Variants in JAKMIP1 observed in about 807,000 individuals in gnomAD.
JAKMIP1 encodes the protein janus kinase and microtubule interacting protein 1.
JAKMIP1 carries 33 observed loss-of-function variants against 113.0 expected under a neutral mutation model. The observed-to-expected ratio is 0.29, with a 90% CI of 0.22 to 0.39. The LOEUF is 0.39. Ranked by LOEUF, JAKMIP1 falls within the 10% of genes least tolerant of loss-of-function variation. JAKMIP1 has a pLI of 1.00. For missense variants in JAKMIP1, 813 were observed against 1,080.5 expected (o/e 0.75, Z 3.47); for synonymous variants, 480 against 459.9 (o/e 1.04, Z -0.56).
At chr4:6,165,548 AC>A (rs1723520327) in intron 1 of JAKMIP1, among the ~76,000 whole-genome samples, 1 of 152,178 alleles carries the variant, frequency 6.6e-6, no homozygotes, top group South Asian at 2.1e-4. Flanking sequence ...GTGACTTGCC[AC>A]TTCAGCCTCC....
At chr4:6,079,365 T>C (rs892507830) in intron 7 of JAKMIP1, among the ~76,000 whole-genome samples, 9 of 151,800 alleles carry the variant, frequency 5.9e-5, no homozygotes, top group Admixed American at 2.6e-4. Flanking sequence ...GATGGATGGA[T>C]GGATGGATGG....
Position 6,051,669 on chromosome 4 carries a change from T to A in JAKMIP1, c.1807-990A>T, listed in dbSNP as rs1715678794. On this transcript the variant is annotated intron_variant, in intron 13 of 20. Transcript: ENST00000409021. The surrounding 1 kb of genome is among the most constrained non-coding windows in gnomAD (Gnocchi z 5.0). ...AGACTTACAGCAAAGCTCAATTAATTACTAAGGGAGGAAGAAGAGCAAGCC... is the reference window on the plus strand; with the variant it reads ...AGACTTACAGCAAAGCTCAATTAATAACTAAGGGAGGAAGAAGAGCAAGCC... Among the ~76,000 whole-genome samples, 1 of 152,216 alleles carries A rather than the reference T, an allele frequency of 6.6e-6. No homozygotes were observed. Among genetic ancestry groups the A allele is most frequent in the African/African-American group, 2.4e-5 (1 of 41,462 alleles).
At chr4:6,170,855 A>C (rs915573521) in intron 1 of JAKMIP1, among the ~76,000 whole-genome samples, 1 of 146,118 alleles carries the variant, frequency 6.8e-6, no homozygotes, top group African/African-American at 2.5e-5. Flanking sequence ...CATCCCCATC[A>C]CCATGACCAC....
rs1719417513 is a variant in JAKMIP1, at chr4:6,137,513, T to C, written c.-147-24516A>G. ...TAAGTAGGAACCCCCTTCAAGTCCT[T>C]TGCTCAGGGAAATCAGGAGCTGTGA... On this transcript the variant is annotated intron_variant, in intron 1 of 20. Transcript: ENST00000409021. This position sits in a 1 kb window ranked among gnomAD's most constrained non-coding sequence, Gnocchi z 4.5. Among the ~76,000 whole-genome samples, 1 of 152,190 alleles carries C rather than the reference T, an allele frequency of 6.6e-6. No homozygotes were observed. The highest frequency in any genetic ancestry group is 2.4e-5 in the African/African-American group (1 of 41,454).
At position 6,080,694 on chromosome 4, in the gene JAKMIP1, C is replaced by T. The variant is rs932476547; in HGVS notation, c.1102-382G>A. ...CTTTCTGCCATGATTGTGAGGCCTC[C>T]CCAGCCACGTGAAACTGTGAGTCCA... On this transcript the variant is annotated intron_variant, in intron 6 of 20. Transcript: ENST00000409021. This position sits in a 1 kb window ranked among gnomAD's most constrained non-coding sequence, Gnocchi z 6.0. 2.6e-5 allele frequency among the ~76,000 whole-genome samples: 4 copies of T among 152,060 alleles called. No homozygotes were observed. Among genetic ancestry groups the T allele is most frequent in the African/African-American group, 4.8e-5 (2 of 41,384 alleles).
rs1459938601 is a variant in JAKMIP1 at position 6,157,348 on chromosome 4, C to T, written c.-148+42905G>A. 6.6e-6 allele frequency among the ~76,000 whole-genome samples: 1 copy of T among 152,138 alleles called. No individual in the cohort carries two copies. Among genetic ancestry groups the T allele is most frequent in the Non-Finnish European group, 1.5e-5 (1 of 68,028 alleles). On this transcript the variant is annotated intron_variant, in intron 1 of 20. Transcript: ENST00000409021. This position sits in a 1 kb window ranked among gnomAD's most constrained non-coding sequence, Gnocchi z 4.7. Reference sequence around the variant, plus strand: ...AAAGGCGCACGGGATGGGAAGCTGGCGCACAACACAGGGTTGTCCCAAGAA... The same window carrying T: ...AAAGGCGCACGGGATGGGAAGCTGGTGCACAACACAGGGTTGTCCCAAGAA...
rs1021102187 is a variant in JAKMIP1, at chr4:6,138,953, C to T, written c.-147-25956G>A. On this transcript the variant is annotated intron_variant, in intron 1 of 20. Coordinates refer to ENST00000409021, the MANE Select transcript of JAKMIP1 (RefSeq NM_001099433.2). The surrounding 1 kb of genome is among the most constrained non-coding windows in gnomAD (Gnocchi z 6.0). ...GATTCCTGGGCTTACTGAACTCTCA[C>T]GAGCCTTCATCTGGCTGGAATATGT... Among the ~76,000 whole-genome samples, 4 of 152,124 alleles carry T rather than the reference C, an allele frequency of 2.6e-5. No individual in the cohort carries two copies. The highest frequency in any genetic ancestry group is 5.9e-5 in the Non-Finnish European group (4 of 68,040).
In JAKMIP1 at chr4:6,154,384, C is replaced by T. The variant is rs550528568; in HGVS notation, c.-147-41387G>A. On this transcript the variant is annotated intron_variant, in intron 1 of 20. Coordinates refer to ENST00000409021, the MANE Select transcript of JAKMIP1 (RefSeq NM_001099433.2). This position sits in a 1 kb window ranked among gnomAD's most constrained non-coding sequence, Gnocchi z 4.2. Reference sequence around the variant, plus strand: ...CCCAGAAAGGATTTACCACAAAGAGCGTGAAGAGAGTGGTCCCCTTCCAAG... The same window carrying T: ...CCCAGAAAGGATTTACCACAAAGAGTGTGAAGAGAGTGGTCCCCTTCCAAG... 2.0e-5 allele frequency among the ~76,000 whole-genome samples: 3 copies of T among 151,946 alleles called. No homozygotes were observed. The highest frequency in any genetic ancestry group is 7.3e-5 in the African/African-American group (3 of 41,332).
At chr4:6,054,675 G>T in intron 12 of JAKMIP1, 1 of 454,310 alleles carries the variant, frequency 2.2e-6, no homozygotes, top group Non-Finnish European at 4.4e-6. Context: ...ATCAGTGTGG[G>T]AAGTGACACC....
In JAKMIP1 at chr4:6,187,904, A is replaced by G. The variant is rs1726818540; in HGVS notation, c.-148+12349T>C. Among the ~76,000 whole-genome samples the G allele has an allele frequency of 6.6e-6, 1 of 152,098 alleles. No homozygotes were observed. The highest frequency in any genetic ancestry group is 2.4e-5 in the African/African-American group (1 of 41,398). On this transcript the variant is annotated intron_variant, in intron 1 of 20. Transcript: ENST00000409021. The surrounding 1 kb of genome is among the most constrained non-coding windows in gnomAD (Gnocchi z 4.2). ...TTTTGTTTTCAATATGCCTCACGTC[A>G]TTTTTGCTCCTTTATTCTTCCATTA...
At chr4:6,072,644 G>A (rs1719129726) in intron 8 of JAKMIP1, among the ~76,000 whole-genome samples, 1 of 152,224 alleles carries the variant, frequency 6.6e-6, no homozygotes, top group African/African-American at 2.4e-5. Context: ...GCAGGGCACT[G>A]TGCCAGCAGC....
rs1721799366 is a variant in JAKMIP1 at position 6,089,884 on chromosome 4, T to C, written c.625-4255A>G. On this transcript the variant is annotated intron_variant, in intron 3 of 20. Coordinates refer to ENST00000409021, the MANE Select transcript of JAKMIP1 (RefSeq NM_001099433.2). The surrounding 1 kb of genome is among the most constrained non-coding windows in gnomAD (Gnocchi z 5.3). Reference sequence around the variant, plus strand: ...AGGGCCTTTGCAGATGAAATGAAGATGCAAATTAAGATGAGGTTATACCAC... The same window carrying C: ...AGGGCCTTTGCAGATGAAATGAAGACGCAAATTAAGATGAGGTTATACCAC... Among the ~76,000 whole-genome samples, 1 of 152,132 alleles carries C rather than the reference T, an allele frequency of 6.6e-6. No individual in the cohort carries two copies. The highest frequency in any genetic ancestry group is 1.5e-5 in the Non-Finnish European group (1 of 68,034).
chr4:6,170,489 C>T (rs1384809092), intron 1 of JAKMIP1, among the ~76,000 whole-genome samples: 2 of 147,700 alleles, frequency 1.4e-5, no homozygotes, highest in Non-Finnish European at 3.0e-5. Context: ...CACAACCACC[C>T]CCAGCACCCT....
At position 6,080,196 on chromosome 4, in the gene JAKMIP1, C is replaced by T. The variant is rs141710143; in HGVS notation, c.1218G>A (p.Gln406=). ...EFLRLQVLEQ[Q]HVIDDLSLER... ...CCAGTGAGAGGTCGTCAATGACGTG[C>T]TGCTGCTCCAGCACCTGCAGCCTCA... Residue 406 remains glutamine (Q), a synonymous_variant, in exon 7 of 21, where the codon CAG becomes CAA. Coordinates refer to ENST00000409021, the MANE Select transcript of JAKMIP1 (RefSeq NM_001099433.2). The surrounding 1 kb of genome is among the most constrained non-coding windows in gnomAD (Gnocchi z 6.0). 49 of 1,612,866 alleles carry T rather than the reference C, an allele frequency of 3.0e-5. No individual in the cohort carries two copies. The African/African-American group carries it at 4.4e-4, about 14-fold the overall frequency.
chr4:6,105,585 T>C lies in JAKMIP1; in HGVS notation c.512A>G (p.Asn171Ser), dbSNP rs1713784954. 6.3e-7 allele frequency: 1 copy of C among 1,599,186 alleles called. No homozygotes were observed. Among genetic ancestry groups the C allele is most frequent in the East Asian group, 2.3e-5 (1 of 44,326 alleles). ...CTTGGTCTTGTCAGCCTGCATGCAG[T>C]TACTGAGCGCCTCCTCTGCCTGCTT... ...ARKQAEEALS[N>S]CMQADKTKAA... Residue 171 changes from asparagine to serine, a missense_variant, in exon 3 of 21, where the codon AAC becomes AGC. This residue lies in a region of JAKMIP1 where 540 missense variants were observed against 653.9 expected (regional missense o/e 0.83). Coordinates refer to ENST00000409021, the MANE Select transcript of JAKMIP1 (RefSeq NM_001099433.2).
chr4:6,063,001 T>C (rs1717525598), intron 9 of JAKMIP1, among the ~76,000 whole-genome samples: 1 of 152,016 alleles, frequency 6.6e-6, no homozygotes, highest in East Asian at 1.9e-4. Context: ...AATTAGCTGG[T>C]TATGGTGGTG....
rs113633085 is a variant in JAKMIP1, at chr4:6,183,869, G to A, written c.-148+16384C>T. ...TGCAAGACAAGTCACTCCCAAAAAC[G>A]GAATCACAAATGCGGTATGCAAATC... On this transcript the variant is annotated intron_variant, in intron 1 of 20. Transcript: ENST00000409021. The surrounding 1 kb of genome is among the most constrained non-coding windows in gnomAD (Gnocchi z 5.3). Among the ~76,000 whole-genome samples the A allele has an allele frequency of 0.033, 4,948 of 152,184 alleles. 270 individuals carry two copies. Among genetic ancestry groups the A allele is most frequent in the African/African-American group, 0.11 (4,655 of 41,484 alleles).
In JAKMIP1 at chr4:6,159,853, T is replaced by C. The variant is rs533751082; in HGVS notation, c.-148+40400A>G. ...CACAAAGATGGGCCTGGCAAGAGAC[T>C]GGTTAAATAAATCATAGTATATCCA... On this transcript the variant is annotated intron_variant, in intron 1 of 20. Coordinates refer to ENST00000409021, the MANE Select transcript of JAKMIP1 (RefSeq NM_001099433.2). Among the ~76,000 whole-genome samples the C allele has an allele frequency of 2.6e-5, 4 of 152,342 alleles. No homozygotes were observed. In the South Asian group the frequency reaches 8.3e-4, roughly 32 times the overall value.
intron 16 of JAKMIP1, among the ~76,000 whole-genome samples, chr4:6,047,567 A>C (rs555109891): frequency 1.3e-5 from 2 of 152,364 alleles, no homozygotes; most frequent in African/African-American, 4.8e-5. Context: ...GAACAGGAGA[A>C]AGCTGAGTTC....
Sources: gnomAD v4.1 joint callset for allele counts (sites outside exome capture counted in the v4.1 genomes callset) on GRCh38, gnomAD v4.1.1 for gene constraint, gnomAD v4.1.1 regional missense constraint, Gnocchi (gnomAD v3.1) non-coding constraint, MANE v1.5 for transcripts, NCBI Gene and HGNC (gene_info 2026-07-23, HGNC 2026-07-21) for gene names.